FXR1: variants seen among roughly 807,000 people sequenced by gnomAD.
The protein encoded by FXR1 is FMR1 autosomal homolog 1, also known as RNA-binding protein FXR1.
In FXR1, 15 loss-of-function variants were observed where a neutral mutation model predicts 84.0. That is an observed-to-expected ratio of 0.18 (90% confidence interval 0.12 to 0.27). The LOEUF (loss-of-function observed/expected upper bound fraction) is 0.27, where lower values mean the gene tolerates loss of function less well. Ranked by LOEUF, FXR1 falls within the 10% of genes least tolerant of loss-of-function variation. The probability of loss-of-function intolerance (pLI) is 1.00; values close to 1 mark genes in which losing one functional copy is unlikely to be tolerated. For synonymous variants in FXR1, 245 were observed against 250.7 expected, an observed-to-expected ratio of 0.98 and a Z score of 0.21; for missense variants, 480 against 774.4, an observed-to-expected ratio of 0.62 and a Z score of 4.51.
Position 180,976,489 on chromosome 3 carries a change from T to A in FXR1, c.*197T>A. The A allele has an allele frequency of 2.6e-6, 1 of 390,658 alleles. No homozygotes were observed. Among genetic ancestry groups the A allele is most frequent in the Non-Finnish European group, 4.6e-6 (1 of 215,406 alleles). The allele number at this position is 390,658 out of a possible 1,614,324, so 24.2% of individuals were successfully genotyped here. On this transcript the variant is annotated 3_prime_UTR_variant, in exon 17 of 17. Transcript: ENST00000357559. Reference sequence around the variant, plus strand: ...TTGACACCTACTGTGTTATAAAATATATCATCAGATGTGCCTTGAGAATAG... The same window carrying A: ...TTGACACCTACTGTGTTATAAAATAAATCATCAGATGTGCCTTGAGAATAG...
intron 1 of FXR1, chr3:180,915,343 A>G (rs538484498): frequency 3.0e-5 from 17 of 575,248 alleles, no homozygotes; most frequent in African/African-American, 2.6e-4. Flanking sequence ...TTTTCAGTCA[A>G]CCATTCCTCA....
At position 180,935,246 on chromosome 3, in the gene FXR1, GTT is replaced by G; in HGVS notation, c.198+17_198+18del. ...ATGAAGTAGAGGTATGTATTTTTAA[GTT>G]TATTTTCTTGTGTCTATTTTTTTGA... On this transcript the variant is annotated intron_variant, in intron 3 of 16. Transcript: ENST00000357559. 8.9e-7 allele frequency: 1 copy of G among 1,128,430 alleles called. No individual in the cohort carries two copies. Among genetic ancestry groups the G allele is most frequent in the Non-Finnish European group, 1.3e-6 (1 of 747,050 alleles). The allele number at this position is 1,128,430 out of a possible 1,614,324, so 69.9% of individuals were successfully genotyped here. A position where few individuals can be genotyped will look rare whatever the true frequency, so the allele number is the denominator to read the frequency against.
chr3:180,926,506 A>ATATATTTTTTT (rs72192827), intron 1 of FXR1, among the ~76,000 whole-genome samples: 9 of 124,376 alleles, frequency 7.2e-5, no homozygotes, highest in African/African-American at 2.0e-4. Context: ...ATATATATAT[A>ATATATTTTTTT]TTTTTTTTTC....
chr3:180,968,802 G>C (rs904223084), intron 14 of FXR1, among the ~76,000 whole-genome samples: 3 of 152,068 alleles, frequency 2.0e-5, no homozygotes, highest in African/African-American at 7.2e-5. Context: ...TGTAGGAAAC[G>C]TTTTACTTAA....
rs542033740 is a variant in FXR1, at chr3:180,935,896, A to AT, written c.198+668dup. ...CCCTACAAACATTTTATTTTATTTTATTTATTTATTTTTTGAGATGGAGTT... is the reference window on the plus strand; with the variant it reads ...CCCTACAAACATTTTATTTTATTTTATTTTATTTATTTTTTGAGATGGAGTT... On this transcript the variant is annotated intron_variant, in intron 3 of 16. Coordinates refer to ENST00000357559, the MANE Select transcript of FXR1 (RefSeq NM_005087.4). Among the ~76,000 whole-genome samples the AT allele has an allele frequency of 6.3e-4, 95 of 151,728 alleles. 3 individuals are homozygous for AT. In the South Asian group the frequency reaches 0.017, roughly 27 times the overall value.
chr3:180,952,575 G>GA (rs397875465), intron 8 of FXR1, among the ~76,000 whole-genome samples: 96 of 141,534 alleles, frequency 6.8e-4, no homozygotes, highest in Middle Eastern at 3.6e-3. Flanking sequence ...AAGGAGGAGG[G>GA]AAAAAAAAAA....
Position 180,961,458 on chromosome 3 carries a change from TTTTA to T in FXR1, c.991-9_991-6del. 6.8e-7 allele frequency: 1 copy of T among 1,468,766 alleles called. No individual in the cohort carries two copies. Among genetic ancestry groups the T allele is most frequent in the Non-Finnish European group, 9.5e-7 (1 of 1,055,572 alleles). The allele number at this position is 1,468,766 out of a possible 1,614,324, so 91.0% of individuals were successfully genotyped here. ...TTAAACACTGAATACTTTTTTTTTTTTTTAAACAGGGTATGGTTCCATTTGTATT... is the reference window on the plus strand; with the variant it reads ...TTAAACACTGAATACTTTTTTTTTTTAACAGGGTATGGTTCCATTTGTATT... On this transcript the variant is annotated splice_region_variant and splice_polypyrimidine_tract_variant and intron_variant, in intron 10 of 16. Transcript: ENST00000357559.
At chr3:180,918,309 T>G (rs1718148549) in intron 1 of FXR1, among the ~76,000 whole-genome samples, 1 of 152,146 alleles carries the variant, frequency 6.6e-6, no homozygotes, top group African/African-American at 2.4e-5. Flanking sequence ...TTTTTAATTT[T>G]TATTTTTTAG....
At chr3:180,970,127 C>T (rs773202208) in intron 14 of FXR1, 31 bp from the exon 15 acceptor site, 62 of 1,225,040 alleles carry the variant, frequency 5.1e-5, no homozygotes, top group Middle Eastern at 1.9e-4. Flanking sequence ...TACTCTTAAA[C>T]GAATATTTCT....
At position 180,975,986 on chromosome 3, in the gene FXR1, G is replaced by A. The variant is rs146776874; in HGVS notation, c.1696-136G>A. The A allele has an allele frequency of 7.0e-3, 4,310 of 618,610 alleles. 21 individuals are homozygous for A. Among genetic ancestry groups the A allele is most frequent in the Non-Finnish European group, 8.7e-3 (3,068 of 351,604 alleles). 38.3% of individuals were successfully genotyped at this position (618,610 alleles called of 1,614,324 possible). A position where few individuals can be genotyped will look rare whatever the true frequency, so the allele number is the denominator to read the frequency against. On this transcript the variant is annotated intron_variant, in intron 16 of 16. Coordinates refer to ENST00000357559, the MANE Select transcript of FXR1 (RefSeq NM_005087.4). The stretch of plus-strand genomic sequence containing the variant: ...GTTATTTGTTTTGAATTTTAAAGAT[G>A]TTTTAATACTTTGATCCATTGTGGT...
chr3:180,969,262 C>T (rs928427286), intron 14 of FXR1, among the ~76,000 whole-genome samples: 1 of 152,160 alleles, frequency 6.6e-6, no homozygotes, highest in African/African-American at 2.4e-5. Context: ...TTTAAAATTA[C>T]AGTATACTGA....
At position 180,978,789 on chromosome 3, in the gene FXR1, G is replaced by A. The variant is rs972810550; in HGVS notation, c.*2497G>A. 2.0e-5 allele frequency: 3 copies of A among 152,048 alleles called. No individual in the cohort carries two copies. Among genetic ancestry groups the A allele is most frequent in the African/African-American group, 7.2e-5 (3 of 41,424 alleles). 9.4% of individuals were successfully genotyped at this position (152,048 alleles called of 1,614,324 possible). A position where few individuals can be genotyped will look rare whatever the true frequency, so the allele number is the denominator to read the frequency against. On this transcript the variant is annotated 3_prime_UTR_variant, in exon 17 of 17. Transcript: ENST00000357559. ...ATATGTGAATTCATATATGACACCT[G>A]AACGGAATCATGAAGTAACAGCTGA...
chr3:180,913,559 T>G (rs994605525), intron 1 of FXR1, among the ~76,000 whole-genome samples: 14 of 152,266 alleles, frequency 9.2e-5, no homozygotes, highest in African/African-American at 3.1e-4. Context: ...TTTGTTTGCT[T>G]GGGAGGAAGG....
rs1299969803 is a variant in FXR1 at position 180,979,018 on chromosome 3, T to C, written c.*2726T>C. 2 of 152,124 alleles carry C rather than the reference T, an allele frequency of 1.3e-5. No individual in the cohort carries two copies. Among genetic ancestry groups the C allele is most frequent in the African/African-American group, 2.4e-5 (1 of 41,446 alleles). The allele number at this position is 152,124 out of a possible 1,614,324, so 9.4% of individuals were successfully genotyped here. A position where few individuals can be genotyped will look rare whatever the true frequency, so the allele number is the denominator to read the frequency against. On this transcript the variant is annotated 3_prime_UTR_variant, in exon 17 of 17. Coordinates refer to ENST00000357559, the MANE Select transcript of FXR1 (RefSeq NM_005087.4). ...TTTGAAATAATCTTGTATTTTAATG[T>C]GGAATTAGAAGCAGCACATCAAACT...
chr3:180,940,795 C>T (rs112491607), intron 3 of FXR1, among the ~76,000 whole-genome samples: 198 of 152,168 alleles, frequency 1.3e-3, no homozygotes, highest in African/African-American at 4.6e-3. Context: ...AGGCTGGTCT[C>T]GAACTCCTGA....
rs771868461 is a variant in FXR1, at chr3:180,957,913, A to G, written c.975A>G (p.Lys325=). ...GAATTGAAGGGGACAATGAAAATAAATTACCCAGAGAAGACGTAAGTATTT... is the reference window on the plus strand; with the variant it reads ...GAATTGAAGGGGACAATGAAAATAAGTTACCCAGAGAAGACGTAAGTATTT... ...RVRIEGDNEN[K]LPREDGMVPF... The change falls in exon 10 of 17, where the codon AAA becomes AAG. Residue 325 remains lysine, a synonymous_variant. Coordinates refer to ENST00000357559, the MANE Select transcript of FXR1 (RefSeq NM_005087.4). The G allele has an allele frequency of 6.7e-7, 1 of 1,502,102 alleles. No homozygotes were observed. Among genetic ancestry groups the G allele is most frequent in the Non-Finnish European group, 9.2e-7 (1 of 1,086,330 alleles). The allele number at this position is 1,502,102 out of a possible 1,614,324, so 93.0% of individuals were successfully genotyped here. A position where few individuals can be genotyped will look rare whatever the true frequency, so the allele number is the denominator to read the frequency against.
intron 1 of FXR1, among the ~76,000 whole-genome samples, chr3:180,921,719 C>T (rs568159348): frequency 2.6e-5 from 4 of 152,044 alleles, no homozygotes; most frequent in South Asian, 2.1e-4. Context: ...GTATGGAAAA[C>T]GTGTTGGCTG....
intron 1 of FXR1, chr3:180,915,514 TAC>T (rs1717782860): frequency 6.7e-7 from 1 of 1,493,194 alleles, no homozygotes; most frequent in Admixed American, 2.0e-5. Context: ...TAGAAGATAA[TAC>T]ATGGTCACTG....
Position 180,948,774 on chromosome 3 carries a change from G to C in FXR1, c.473G>C (p.Arg158Thr), listed in dbSNP as rs1312337500. 1 of 1,578,894 alleles carries C rather than the reference G, an allele frequency of 6.3e-7. No homozygotes were observed. Among genetic ancestry groups the C allele is most frequent in the Admixed American group, 1.7e-5 (1 of 59,962 alleles). ...KDFKKAVGAC[R>T]IFYHPETTQL... ...TTTAAGAAAGCAGTAGGAGCATGCA[G>C]AATTTTTTACCATCCAGAAACAACA... is the stretch of plus-strand genomic sequence containing the variant. Residue 158 changes from arginine (R) to threonine (T), a missense_variant, in exon 6 of 17, where the codon AGA becomes ACA. Transcript: ENST00000357559.
Sources: gnomAD v4.1 joint callset for allele counts (sites outside exome capture counted in the v4.1 genomes callset) on GRCh38, gnomAD v4.1.1 for gene constraint, MANE v1.5 for transcripts, NCBI Gene and HGNC (gene_info 2026-07-23, HGNC 2026-07-21) for gene names.